The following APBB1IP variants were observed in gnomAD, a reference collection of about 807,000 sequenced individuals.
APBB1IP encodes amyloid beta precursor protein binding family B member 1 interacting protein.
In APBB1IP, 27 loss-of-function variants were observed where a neutral mutation model predicts 64.9. That is an observed-to-expected ratio of 0.42 (90% CI 0.31 to 0.57). APBB1IP has a LOEUF of 0.57. APBB1IP is among the 20% of genes least tolerant of loss of function. The probability of loss-of-function intolerance (pLI) is 0.20; values close to 1 mark genes in which losing one functional copy is unlikely to be tolerated. For synonymous variants in APBB1IP, 392 were observed against 331.0 expected, an observed-to-expected ratio of 1.18 and a Z score of -2.00; for missense variants, 812 against 845.5, an observed-to-expected ratio of 0.96 and a Z score of 0.49.
At chr10:26,445,185 AAAG>A (rs1835383277) in intron 2 of APBB1IP, among the ~76,000 whole-genome samples, 1 of 145,276 alleles carries the variant, frequency 6.9e-6, no homozygotes, top group Non-Finnish European at 1.5e-5. Flanking sequence ...AGAAAGAAAG[AAAG>A]AAAGAAAAGG....
intron 10 of APBB1IP, among the ~76,000 whole-genome samples, chr10:26,538,226 A>C (rs1836652242): frequency 6.6e-6 from 1 of 152,224 alleles, no homozygotes; most frequent in Non-Finnish European, 1.5e-5. Flanking sequence ...GAATCCATGC[A>C]GACTAGAAAC....
intron 2 of APBB1IP, among the ~76,000 whole-genome samples, chr10:26,478,099 T>A (rs755694718): frequency 6.6e-6 from 1 of 152,042 alleles, no homozygotes; most frequent in Non-Finnish European, 1.5e-5. Context: ...GAAGAGAGTA[T>A]AATTAGAGAA....
At chr10:26,468,930 C>A (rs1432585900) in intron 2 of APBB1IP, among the ~76,000 whole-genome samples, 1 of 152,172 alleles carries the variant, frequency 6.6e-6, no homozygotes, top group Non-Finnish European at 1.5e-5. Flanking sequence ...CTGGGGTTAC[C>A]TGGATTTGAC....
In APBB1IP at chr10:26,513,593, G is replaced by C. The variant is rs1836287832; in HGVS notation, c.746G>C (p.Arg249Thr). 1.2e-6 allele frequency: 2 copies of C among 1,612,956 alleles called. No individual in the cohort carries two copies. The highest frequency in any genetic ancestry group is 1.7e-6 in the Non-Finnish European group (2 of 1,179,748). Residue 249 changes from arginine to threonine, a missense_variant, in exon 8 of 15, where the codon AGA becomes ACA. Physicochemically the swap from Arg to Thr is moderately conservative, Grantham distance 71. Coordinates refer to ENST00000376236, the MANE Select transcript of APBB1IP (RefSeq NM_019043.4). ...GTTGAAGTCTTATCAGACTGGACAA[G>C]AGACACAGAAAATAAAATACTATTT... is the stretch of plus-strand genomic sequence containing the variant. ...NVVEVLSDWTRDTENKILFLE... is the reference protein window; with the variant it reads ...NVVEVLSDWTTDTENKILFLE...
At chr10:26,525,771 C>G (rs1204172005) in intron 8 of APBB1IP, among the ~76,000 whole-genome samples, 1 of 152,134 alleles carries the variant, frequency 6.6e-6, no homozygotes, top group Non-Finnish European at 1.5e-5. Flanking sequence ...AAATGAAGAT[C>G]TGAAGAAACA....
rs373873259 is a variant in APBB1IP at position 26,446,854 on chromosome 10, GTAGA to G, written c.-1+8018_-1+8021del. Among the ~76,000 whole-genome samples, 20 of 66,576 alleles carry G rather than the reference GTAGA, an allele frequency of 3.0e-4. No individual in the cohort carries two copies. In the South Asian group the frequency reaches 7.2e-3, roughly 24 times the overall value. The allele number at this position is 66,576 out of a possible 152,430, so 43.7% of individuals were successfully genotyped here. ...CAGCTTGGGTGACAGAGCAAAACCT[GTAGA>G]TAGATAGATAGATAGAGAGAGAGAT... On this transcript the variant is annotated intron_variant, in intron 2 of 14. Transcript: ENST00000376236.
chr10:26,502,558 G>A (rs1378184571), intron 5 of APBB1IP, among the ~76,000 whole-genome samples: 1 of 151,860 alleles, frequency 6.6e-6, no homozygotes, highest in Non-Finnish European at 1.5e-5. Flanking sequence ...AGGAGAATGG[G>A]GTGAACCCAG....
chr10:26,448,908 C>A (rs1835430575), intron 2 of APBB1IP, among the ~76,000 whole-genome samples: 1 of 152,198 alleles, frequency 6.6e-6, no homozygotes. Flanking sequence ...GTCAACTCTT[C>A]TGTTTTCTTT....
chr10:26,506,785 G>T lies in APBB1IP; in HGVS notation c.531+3511G>T, dbSNP rs74687947. Among the ~76,000 whole-genome samples, 31 of 152,256 alleles carry T rather than the reference G, an allele frequency of 2.0e-4. No individual in the cohort carries two copies. In the East Asian group the frequency reaches 5.2e-3, roughly 26 times the overall value. On this transcript the variant is annotated intron_variant, in intron 6 of 14. Transcript: ENST00000376236. ...GATCACACAGAGGTGAACAAGTCAA[G>T]TGTGGTCCCTGCTTGTGGAGAGTTA...
chr10:26,512,252 G>A (rs1836270919), intron 7 of APBB1IP, among the ~76,000 whole-genome samples: 1 of 152,304 alleles, frequency 6.6e-6, no homozygotes, highest in South Asian at 2.1e-4. Flanking sequence ...GCCAGACCTT[G>A]GGGGATATAA....
chr10:26,441,034 G>A (rs1235596798), intron 2 of APBB1IP, among the ~76,000 whole-genome samples: 1 of 152,052 alleles, frequency 6.6e-6, no homozygotes, highest in Non-Finnish European at 1.5e-5. Context: ...CAATTTTATA[G>A]GACCCCATGA....
At chr10:26,493,939 T>A (rs1479356291) in intron 3 of APBB1IP, among the ~76,000 whole-genome samples, 1 of 152,150 alleles carries the variant, frequency 6.6e-6, no homozygotes, top group Non-Finnish European at 1.5e-5. Flanking sequence ...TGGGCTCAAG[T>A]GATCCTCTGG....
intron 11 of APBB1IP, among the ~76,000 whole-genome samples, chr10:26,559,786 T>C (rs1836943550): frequency 6.6e-6 from 1 of 151,962 alleles, no homozygotes; most frequent in Admixed American, 6.5e-5. Context: ...GCCCAGCTAA[T>C]TTCTTTTTCT....
At chr10:26,465,078 G>A (rs1262264965) in intron 2 of APBB1IP, among the ~76,000 whole-genome samples, 10 of 152,328 alleles carry the variant, frequency 6.6e-5, no homozygotes, top group African/African-American at 2.4e-4. Flanking sequence ...AGCTGTAAGA[G>A]AGAAATGAAA....
At chr10:26,502,742 T>C (rs1836122118) in intron 5 of APBB1IP, among the ~76,000 whole-genome samples, 1 of 152,130 alleles carries the variant, frequency 6.6e-6, no homozygotes, top group African/African-American at 2.4e-5. Flanking sequence ...GACATCCTGA[T>C]CCAAAAGTAT....
At chr10:26,439,061 G>A (rs1411426855) in intron 2 of APBB1IP, among the ~76,000 whole-genome samples, 1 of 152,182 alleles carries the variant, frequency 6.6e-6, no homozygotes, top group Non-Finnish European at 1.5e-5. Context: ...GACCCGGCTC[G>A]CGAGGGTGGG....
At chr10:26,464,710 A>C (rs1054444453) in intron 2 of APBB1IP, among the ~76,000 whole-genome samples, 1 of 152,206 alleles carries the variant, frequency 6.6e-6, no homozygotes, top group Non-Finnish European at 1.5e-5. Flanking sequence ...TGCCCAGACC[A>C]TAATAATTTT....
intron 8 of APBB1IP, among the ~76,000 whole-genome samples, chr10:26,521,932 G>A (rs1028980294): frequency 1.3e-5 from 2 of 152,000 alleles, no homozygotes; most frequent in Non-Finnish European, 2.9e-5. Flanking sequence ...TGTATTTTTA[G>A]TAGAAATGGG....
intron 2 of APBB1IP, among the ~76,000 whole-genome samples, chr10:26,446,597 C>G (rs889486117): frequency 6.6e-6 from 1 of 152,200 alleles, no homozygotes. Flanking sequence ...CACACTTCAG[C>G]TGAATCAGAC....
Sources: allele counts gnomAD v4.1 joint callset (sites outside exome capture counted in the v4.1 genomes callset), GRCh38; gene constraint gnomAD v4.1.1; transcripts MANE v1.5; gene names NCBI Gene and HGNC (gene_info 2026-07-23, HGNC 2026-07-21).